Variants in LRBA observed in about 807,000 individuals in gnomAD.
LRBA encodes the protein lipopolysaccharide-responsive and beige-like anchor protein.
LRBA carries 176 observed loss-of-function variants against 330.0 expected under a neutral mutation model. That is an observed-to-expected ratio of 0.53 (90% confidence interval 0.47 to 0.60). The LOEUF is 0.60. LRBA is among the 20% of genes least tolerant of loss of function. The pLI is 0.00. For synonymous variants in LRBA, 1,230 were observed against 1,193.0 expected, an observed-to-expected ratio of 1.03 and a Z score of -0.64; for missense variants, 3,259 against 3,444.8, an observed-to-expected ratio of 0.95 and a Z score of 1.35.
chr4:150,748,396 C>T (rs1443022914), intron 35 of LRBA, among the ~76,000 whole-genome samples: 4 of 152,042 alleles, frequency 2.6e-5, no homozygotes, highest in Admixed American at 2.0e-4. Flanking sequence ...GAGCCAGGCG[C>T]GGTAGCTCAC....
intron 47 of LRBA, among the ~76,000 whole-genome samples, chr4:150,415,068 A>G (rs1288130063): frequency 6.6e-6 from 1 of 152,146 alleles, no homozygotes; most frequent in Non-Finnish European, 1.5e-5. Flanking sequence ...TCTTGTTTCT[A>G]TTATGAAAAT....
intron 22 of LRBA, among the ~76,000 whole-genome samples, chr4:150,856,981 A>G (rs1376986813): frequency 6.6e-6 from 1 of 152,174 alleles, no homozygotes; most frequent in African/African-American, 2.4e-5. Flanking sequence ...CCAGATGTTA[A>G]TATTATCTTT....
rs1479454415 is a variant in LRBA at position 150,709,977 on chromosome 4, T to C, written c.5754+25281A>G. Among the ~76,000 whole-genome samples the C allele has an allele frequency of 2.0e-5, 3 of 152,068 alleles. No individual in the cohort carries two copies. The East Asian group carries it at 5.8e-4, about 29-fold the overall frequency. On this transcript the variant is annotated intron_variant, in intron 36 of 56. Transcript: ENST00000651943. Reference sequence around the variant, plus strand: ...GTGGTTGATATTAAGGATTGTAGGTTTAACCTAAGAGCAATGGGAAGGAAC... The same window carrying C: ...GTGGTTGATATTAAGGATTGTAGGTCTAACCTAAGAGCAATGGGAAGGAAC...
chr4:151,014,672 G>A lies in LRBA; in HGVS notation c.-30C>T. 6.6e-7 allele frequency: 1 copy of A among 1,507,580 alleles called. No individual in the cohort carries two copies. The highest frequency in any genetic ancestry group is 1.9e-5 in the Admixed American group (1 of 51,684). 93.4% of individuals were successfully genotyped at this position (1,507,580 alleles called of 1,614,324 possible). A position where few individuals can be genotyped will look rare whatever the true frequency, so the allele number is the denominator to read the frequency against. On this transcript the variant is annotated 5_prime_UTR_variant, in exon 2 of 57. Transcript: ENST00000651943. Reference sequence around the variant, plus strand: ...AGCTCACGATAAAGGACAACTCAGAGTCACCCTGGGACGGCAGTCGCTGCA... The same window carrying A: ...AGCTCACGATAAAGGACAACTCAGAATCACCCTGGGACGGCAGTCGCTGCA...
chr4:150,918,730 C>G (rs1391255900), intron 5 of LRBA, among the ~76,000 whole-genome samples: 1 of 152,158 alleles, frequency 6.6e-6, no homozygotes, highest in African/African-American at 2.4e-5. Flanking sequence ...GCCTGGGTGA[C>G]AGAGCAAGAC....
intron 40 of LRBA, among the ~76,000 whole-genome samples, chr4:150,495,671 G>T (rs1210825167): frequency 6.6e-6 from 1 of 152,116 alleles, no homozygotes. Context: ...AATAGTATAG[G>T]CCTGGTCTGA....
At chr4:150,502,536 T>C (rs1463143229) in intron 40 of LRBA, among the ~76,000 whole-genome samples, 3 of 152,138 alleles carry the variant, frequency 2.0e-5, no homozygotes, top group African/African-American at 7.2e-5. Context: ...CTCCTAGAAA[T>C]GACCATCAAC....
chr4:151,001,294 T>C (rs1407841478), intron 2 of LRBA, among the ~76,000 whole-genome samples: 1 of 152,084 alleles, frequency 6.6e-6, no homozygotes, highest in African/African-American at 2.4e-5. Context: ...CAGCCTCATG[T>C]TCCCCAGTAG....
intron 36 of LRBA, among the ~76,000 whole-genome samples, chr4:150,727,067 GTT>G (rs34671398): frequency 3.5e-3 from 282 of 79,500 alleles, no homozygotes; most frequent in African/African-American, 0.014. Context: ...ACATTTCGTT[GTT>G]TTTTTTTTTT....
intron 48 of LRBA, among the ~76,000 whole-genome samples, chr4:150,330,937 G>A (rs1031444031): frequency 1.3e-5 from 2 of 152,158 alleles, no homozygotes; most frequent in Non-Finnish European, 2.9e-5. Flanking sequence ...CACACTTCTT[G>A]ATGAGGGCTG....
chr4:150,922,206 C>T (rs1351028561), intron 4 of LRBA, among the ~76,000 whole-genome samples: 2 of 152,002 alleles, frequency 1.3e-5, no homozygotes, highest in African/African-American at 4.8e-5. Context: ...CCCCCACCCA[C>T]CCTTCTTTAA....
In LRBA at chr4:150,651,604, G is replaced by A. The variant is rs1779714489; in HGVS notation, c.5921+31947C>T. Among the ~76,000 whole-genome samples, 5 of 151,874 alleles carry A rather than the reference G, an allele frequency of 3.3e-5. No individual in the cohort carries two copies. The South Asian group carries it at 1.0e-3, about 32-fold the overall frequency. The stretch of plus-strand genomic sequence containing the variant: ...TCCCATGGCAACCTAGACCAAGTTT[G>A]TCTTGTTCCTAACTGTATCAGAGCA... On this transcript the variant is annotated intron_variant, in intron 37 of 56. Transcript: ENST00000651943.
chr4:150,747,505 T>C (rs1732909269), intron 35 of LRBA, among the ~76,000 whole-genome samples: 1 of 152,200 alleles, frequency 6.6e-6, no homozygotes, highest in Non-Finnish European at 1.5e-5. Flanking sequence ...TATCCACTTC[T>C]GCCAGTCACT....
chr4:150,327,454 G>A (rs150329987), intron 48 of LRBA, among the ~76,000 whole-genome samples: 1,645 of 152,272 alleles, frequency 0.011, 26 homozygotes, highest in African/African-American at 0.038. Flanking sequence ...GTACAAGCCA[G>A]ACCTGTCTCC....
chr4:150,693,621 CT>C (rs1405075998), intron 36 of LRBA, among the ~76,000 whole-genome samples: 2 of 133,654 alleles, frequency 1.5e-5, no homozygotes, highest in Non-Finnish European at 3.3e-5. Flanking sequence ...AAGAAACATA[CT>C]TAAGTTTTGA....
chr4:150,348,075 A>G (rs1003345993), intron 48 of LRBA, among the ~76,000 whole-genome samples: 2 of 152,232 alleles, frequency 1.3e-5, no homozygotes, highest in African/African-American at 4.8e-5. Flanking sequence ...TAGACAGTGC[A>G]GATAGAGAAC....
At chr4:150,425,414 G>A (rs369438380) in intron 46 of LRBA, among the ~76,000 whole-genome samples, 1 of 152,136 alleles carries the variant, frequency 6.6e-6, no homozygotes, top group Non-Finnish European at 1.5e-5. Flanking sequence ...ATGGGTCTTA[G>A]AGGCAGGTAA....
intron 2 of LRBA, among the ~76,000 whole-genome samples, chr4:150,954,899 C>T (rs1055137610): frequency 8.5e-6 from 1 of 117,764 alleles, no homozygotes; most frequent in Non-Finnish European, 1.8e-5. Flanking sequence ...GAAATCATAA[C>T]AGAAAGAAAT....
At chr4:150,661,172 T>C (rs1781047536) in intron 37 of LRBA, among the ~76,000 whole-genome samples, 1 of 150,020 alleles carries the variant, frequency 6.7e-6, no homozygotes, top group South Asian at 2.1e-4. Flanking sequence ...GATTTGACTA[T>C]GTAAAAAGCA....
Sources: allele counts gnomAD v4.1 joint callset (sites outside exome capture counted in the v4.1 genomes callset), GRCh38; gene constraint gnomAD v4.1.1; transcripts MANE v1.5; gene names NCBI Gene and HGNC (gene_info 2026-07-23, HGNC 2026-07-21).